Variants in FNDC1 observed in about 807,000 individuals in gnomAD.
FNDC1 encodes fibronectin type III domain-containing protein 1.
A neutral mutation model predicts 168.0 loss-of-function variants in FNDC1; 96 were observed. The observed-to-expected ratio is 0.57, with a 90% CI of 0.48 to 0.68. The LOEUF is 0.68. Among genes scored for constraint, FNDC1 ranks in the 30% least tolerant of loss-of-function variants. The pLI is 0.00. For missense variants in FNDC1, 2,587 were observed against 2,482.1 expected (o/e 1.04, Z -0.90); for synonymous variants, 1,099 against 1,025.9 (o/e 1.07, Z -1.36).
rs537574596 is a variant in FNDC1, at chr6:159,260,521, C to T, written c.5175-669C>T. Among the ~76,000 whole-genome samples, 30 of 152,226 alleles carry T rather than the reference C, an allele frequency of 2.0e-4. No individual in the cohort carries two copies. The South Asian group carries it at 2.7e-3, about 14-fold the overall frequency. On this transcript the variant is annotated intron_variant, in intron 18 of 22. Transcript: ENST00000297267. ...TGGACTTGTTTCTCTTTCCTTGAGG[C>T]GCAGAAGCTCGTAACTCAGTGACTT...
At chr6:159,224,680 A>G (rs1782914982) in intron 7 of FNDC1, among the ~76,000 whole-genome samples, 1 of 152,160 alleles carries the variant, frequency 6.6e-6, no homozygotes, top group Non-Finnish European at 1.5e-5. Flanking sequence ...GAAACCAGAG[A>G]AGGCTTGAGT....
intron 14 of FNDC1, among the ~76,000 whole-genome samples, chr6:159,244,054 A>T (rs971844218): frequency 3.9e-5 from 6 of 152,238 alleles, no homozygotes; most frequent in Non-Finnish European, 2.9e-5. Flanking sequence ...TCACCCTGTG[A>T]TGCAAAAACC....
At chr6:159,267,585 A>T (rs1311824719) in intron 21 of FNDC1, among the ~76,000 whole-genome samples, 1 of 152,174 alleles carries the variant, frequency 6.6e-6, no homozygotes, top group East Asian at 1.9e-4. Flanking sequence ...AACTTACTGG[A>T]CATTCATTAA....
At chr6:159,240,037 C>G (rs1349976302) in intron 14 of FNDC1, 80 bp downstream of exon 14, 1 of 1,346,534 alleles carries the variant, frequency 7.4e-7, no homozygotes. Flanking sequence ...GCAGAGCCTG[C>G]AGGGGAGGTA....
In FNDC1 at chr6:159,232,752, G is replaced by A; in HGVS notation, c.2240G>A (p.Gly747Asp). The A allele has an allele frequency of 1.2e-6, 2 of 1,613,898 alleles. No individual in the cohort carries two copies. The highest frequency in any genetic ancestry group is 1.1e-5 in the South Asian group (1 of 91,080). The part of the protein sequence containing the change: ...SSPLSKGGKD[G>D]EDAPATNSNA... Reference sequence around the variant, plus strand: ...CCACTTTCCAAGGGCGGGAAGGATGGTGAGGACGCCCCAGCCACCAACTCC... The same window carrying A: ...CCACTTTCCAAGGGCGGGAAGGATGATGAGGACGCCCCAGCCACCAACTCC... Residue 747 changes from glycine to aspartate, a missense_variant, in exon 11 of 23, where the codon GGT becomes GAT. Gly to Asp is a moderately conservative substitution (Grantham distance 94). Transcript: ENST00000297267. The surrounding 1 kb of genome is among the most constrained non-coding windows in gnomAD (Gnocchi z 4.9).
intron 4 of FNDC1, among the ~76,000 whole-genome samples, chr6:159,201,022 A>G (rs1782367824): frequency 6.6e-6 from 1 of 152,344 alleles, no homozygotes; most frequent in South Asian, 2.1e-4. Context: ...GATATGTTAG[A>G]CGACCTACCT....
At chr6:159,226,796 T>G (rs1264204470) in intron 9 of FNDC1, among the ~76,000 whole-genome samples, 1 of 152,246 alleles carries the variant, frequency 6.6e-6, no homozygotes, top group Non-Finnish European at 1.5e-5. Flanking sequence ...GAAGGCTTTT[T>G]GCTGTTGCTG....
chr6:159,233,939 G>C lies in FNDC1; in HGVS notation c.3427G>C (p.Gly1143Arg), dbSNP rs746509566. The change falls in exon 11 of 23, where the codon GGC (glycine) becomes CGC (arginine). Residue 1143 changes from glycine (G) to arginine (R), a missense_variant. Transcript: ENST00000297267. This position sits in a 1 kb window ranked among gnomAD's most constrained non-coding sequence, Gnocchi z 4.6. ...ASPARPSRPG[G>R]PQSRARVPSR... Reference sequence around the variant, plus strand: ...CCCCGCCAGGCCCAGCCGACCCGGCGGCCCCCAGTCCCGCGCCCGGGTACC... The same window carrying C: ...CCCCGCCAGGCCCAGCCGACCCGGCCGCCCCCAGTCCCGCGCCCGGGTACC... 6.4e-7 allele frequency: 1 copy of C among 1,560,376 alleles called. No individual in the cohort carries two copies. The highest frequency in any genetic ancestry group is 1.9e-5 in the Admixed American group (1 of 52,102).
rs1783132491 is a variant in FNDC1, at chr6:159,232,946, C to G, written c.2434C>G (p.Pro812Ala). 2 of 1,610,488 alleles carry G rather than the reference C, an allele frequency of 1.2e-6. No homozygotes were observed. Among genetic ancestry groups the G allele is most frequent in the South Asian group, 1.1e-5 (1 of 90,766 alleles). ...CACGGCCCAGACGCTGCGGGCCCGG[C>G]CTGCCTCTGGACACTTCCATTTGCT... ...EATAQTLRAR[P>A]ASGHFHLLRH... Residue 812 changes from proline (P) to alanine (A), a missense_variant, in exon 11 of 23, where the codon CCT becomes GCT. Physicochemically the swap from Pro to Ala is conservative, Grantham distance 27. Coordinates refer to ENST00000297267, the MANE Select transcript of FNDC1 (RefSeq NM_032532.3). This position sits in a 1 kb window ranked among gnomAD's most constrained non-coding sequence, Gnocchi z 4.9.
In FNDC1 at chr6:159,215,025, C is replaced by A. The variant is rs776548524; in HGVS notation, c.541C>A (p.Arg181Ser). 2 of 1,614,008 alleles carry A rather than the reference C, an allele frequency of 1.2e-6. No individual in the cohort carries two copies. Among genetic ancestry groups the A allele is most frequent in the South Asian group, 1.1e-5 (1 of 91,082 alleles). Residue 181 changes from arginine to serine, a missense_variant, in exon 5 of 23, where the codon CGC becomes AGC. Physicochemically the swap from Arg to Ser is moderately radical, Grantham distance 110. Coordinates refer to ENST00000297267, the MANE Select transcript of FNDC1 (RefSeq NM_032532.3). ...GCTGTCCGTTGCGTGGAAGGCACCA[C>A]GCCTGTCTGGAGCCAAGAGTCCACG... ...DRLSVAWKAPRLSGAKSPRRS... is the reference protein window; with the variant it reads ...DRLSVAWKAPSLSGAKSPRRS...
chr6:159,248,348 C>T (rs1013525407), intron 15 of FNDC1, among the ~76,000 whole-genome samples: 2 of 151,970 alleles, frequency 1.3e-5, no homozygotes, highest in African/African-American at 4.8e-5. Context: ...GCTCTGTCTC[C>T]AGGCTGGAGT....
Position 159,204,449 on chromosome 6 carries a change from C to T in FNDC1, c.460+3868C>T, listed in dbSNP as rs879574198. Among the ~76,000 whole-genome samples, 29 of 152,314 alleles carry T rather than the reference C, an allele frequency of 1.9e-4. 1 individual carries two copies. The highest frequency in any genetic ancestry group is 1.6e-3 in the Admixed American group (25 of 15,294). On this transcript the variant is annotated intron_variant, in intron 4 of 22. Transcript: ENST00000297267. ...CACCATCATCTCACTTCCTCAACACCCTCACGTCAGAAGCTTAATTTCAGA... is the reference window on the plus strand; with the variant it reads ...CACCATCATCTCACTTCCTCAACACTCTCACGTCAGAAGCTTAATTTCAGA...
chr6:159,204,952 T>G (rs777556868), intron 4 of FNDC1, among the ~76,000 whole-genome samples: 1 of 152,180 alleles, frequency 6.6e-6, no homozygotes, highest in Non-Finnish European at 1.5e-5. Flanking sequence ...GATGAAGGTT[T>G]CAGCTGACAT....
chr6:159,267,706 C>A (rs1777618632), intron 21 of FNDC1, 98 bp from the exon 22 acceptor site: 2 of 1,288,452 alleles, frequency 1.6e-6, no homozygotes, highest in African/African-American at 1.5e-5. Flanking sequence ...AAGTAATATG[C>A]TGAATTCAAA....
chr6:159,208,844 A>ATTTTTTTTTTTTT (rs369408600), intron 4 of FNDC1, among the ~76,000 whole-genome samples: 1 of 128,102 alleles, frequency 7.8e-6, no homozygotes, highest in African/African-American at 3.1e-5. Context: ...GTTATTTTTA[A>ATTTTTTTTTTTTT]TTTTTTTTTT....
At chr6:159,206,925 G>A (rs901939369) in intron 4 of FNDC1, among the ~76,000 whole-genome samples, 1 of 152,162 alleles carries the variant, frequency 6.6e-6, no homozygotes, top group African/African-American at 2.4e-5. Context: ...CTCTTCATCC[G>A]GTGCTCGTTT....
Position 159,234,065 on chromosome 6 carries a change from G to A in FNDC1, c.3553G>A (p.Ala1185Thr). The change falls in exon 11 of 23, where the codon GCG becomes ACG. Residue 1185 changes from alanine (A) to threonine (T), a missense_variant. Ala to Thr is a moderately conservative substitution (Grantham distance 58). Coordinates refer to ENST00000297267, the MANE Select transcript of FNDC1 (RefSeq NM_032532.3). ...VSAEDDEEEDAGFFKGGKEDL... is the reference protein window; with the variant it reads ...VSAEDDEEEDTGFFKGGKEDL... Reference sequence around the variant, plus strand: ...AGCCGAGGACGACGAGGAGGAGGACGCGGGATTTTTTAAAGGCGGGAAAGA... The same window carrying A: ...AGCCGAGGACGACGAGGAGGAGGACACGGGATTTTTTAAAGGCGGGAAAGA... The A allele has an allele frequency of 6.2e-7, 1 of 1,612,554 alleles. No individual in the cohort carries two copies. The highest frequency in any genetic ancestry group is 8.5e-7 in the Non-Finnish European group (1 of 1,179,428).
rs759311426 is a variant in FNDC1, at chr6:159,234,381, TCTC to T, written c.3871_3873del (p.Ser1291del). The T allele has an allele frequency of 4.3e-6, 7 of 1,613,174 alleles. No homozygotes were observed. Among genetic ancestry groups the T allele is most frequent in the South Asian group, 2.2e-5 (2 of 90,980 alleles). Reference sequence around the variant, plus strand: ...ACCACGCGCGCCCCACCTGGCCACTTCTCCACCACCCCGATGCTGTCCTTGCGC... The same window carrying T: ...ACCACGCGCGCCCCACCTGGCCACTTCACCACCCCGATGCTGTCCTTGCGC... On this transcript the variant is annotated inframe_deletion, in exon 11 of 23. Coordinates refer to ENST00000297267, the MANE Select transcript of FNDC1 (RefSeq NM_032532.3).
Position 159,173,444 on chromosome 6 carries a change from A to T in FNDC1, c.109+3739A>T, listed in dbSNP as rs534873146. Reference sequence around the variant, plus strand: ...CCTCTCTCCTTTTTTGTGCACTGGCACCCGCCAATGGCAGATGGAAGAGCT... The same window carrying T: ...CCTCTCTCCTTTTTTGTGCACTGGCTCCCGCCAATGGCAGATGGAAGAGCT... On this transcript the variant is annotated intron_variant, in intron 1 of 22. Coordinates refer to ENST00000297267, the MANE Select transcript of FNDC1 (RefSeq NM_032532.3). Among the ~76,000 whole-genome samples the T allele has an allele frequency of 6.5e-3, 988 of 151,912 alleles. 16 individuals carry two copies. The highest frequency in any genetic ancestry group is 0.023 in the African/African-American group (951 of 41,470).
Sources: allele counts gnomAD v4.1 joint callset (sites outside exome capture counted in the v4.1 genomes callset), GRCh38; gene constraint gnomAD v4.1.1; non-coding constraint Gnocchi (gnomAD v3.1); transcripts MANE v1.5; gene names NCBI Gene and HGNC (gene_info 2026-07-23, HGNC 2026-07-21).